The following LRRC8D variants were observed in gnomAD, a reference collection of about 807,000 sequenced individuals.
LRRC8D encodes leucine rich repeat containing 8 VRAC subunit D.
A neutral mutation model predicts 55.8 loss-of-function variants in LRRC8D; 20 were observed. The observed-to-expected ratio is 0.36, with a 90% CI of 0.25 to 0.52. The LOEUF is 0.52. Ranked by LOEUF, LRRC8D falls within the 20% of genes least tolerant of loss-of-function variation. The pLI is 0.93. For synonymous variants in LRRC8D, 352 were observed against 377.0 expected, an observed-to-expected ratio of 0.93 and a Z score of 0.77; for missense variants, 651 against 1,030.8, an observed-to-expected ratio of 0.63 and a Z score of 5.05.
chr1:89,856,866 T>TC (rs1228130742), intron 2 of LRRC8D, among the ~76,000 whole-genome samples: 4 of 152,188 alleles, frequency 2.6e-5, no homozygotes, highest in Non-Finnish European at 4.4e-5. Flanking sequence ...GCTCTGTTTC[T>TC]CCCCCCACAT....
chr1:89,843,374 G>C (rs1220825099), intron 1 of LRRC8D: 1 of 288,864 alleles, frequency 3.5e-6, no homozygotes, highest in Non-Finnish European at 6.4e-6. Flanking sequence ...GCAAACGGAA[G>C]GGCTGTGAGC....
At chr1:89,891,596 G>C (rs151092104) in intron 2 of LRRC8D, among the ~76,000 whole-genome samples, 1,720 of 152,212 alleles carry the variant, frequency 0.011, 15 homozygotes, top group Non-Finnish European at 0.02. Flanking sequence ...AGTGATTTTT[G>C]TCTTTCCATC....
intron 2 of LRRC8D, among the ~76,000 whole-genome samples, chr1:89,917,171 C>G (rs1212926886): frequency 3.3e-5 from 5 of 152,130 alleles, no homozygotes; most frequent in African/African-American, 1.2e-4. Flanking sequence ...TGTTAGATAT[C>G]TTTATACAGG....
intron 2 of LRRC8D, among the ~76,000 whole-genome samples, chr1:89,903,418 TG>T (rs201307297): frequency 0.02 from 3,085 of 152,354 alleles, 39 homozygotes; most frequent in Non-Finnish European, 0.033. Flanking sequence ...TCACTTTTTT[TG>T]TTTACCTAGT....
chr1:89,827,166 C>A (rs1229220949), intron 1 of LRRC8D, among the ~76,000 whole-genome samples: 1 of 151,930 alleles, frequency 6.6e-6, no homozygotes. Context: ...GCCTGGCCAA[C>A]CTGGTGAAAC....
At chr1:89,849,488 G>T (rs2100762045) in intron 2 of LRRC8D, among the ~76,000 whole-genome samples, 1 of 96,276 alleles carries the variant, frequency 1.0e-5, no homozygotes, top group South Asian at 3.6e-4. Context: ...ACTGCATAAT[G>T]CCTTTTTTTT....
intron 2 of LRRC8D, among the ~76,000 whole-genome samples, chr1:89,901,720 A>T (rs1557475735): frequency 1.3e-5 from 2 of 152,204 alleles, no homozygotes; most frequent in South Asian, 4.1e-4. Context: ...AAATAATTTG[A>T]TATTTGCTGC....
intron 2 of LRRC8D, among the ~76,000 whole-genome samples, chr1:89,927,000 G>A (rs1279230206): frequency 6.6e-6 from 1 of 152,240 alleles, no homozygotes. Context: ...ATGTTCCACT[G>A]TGTTCCACCT....
intron 2 of LRRC8D, among the ~76,000 whole-genome samples, chr1:89,898,045 GTC>G (rs1469155577): frequency 6.6e-6 from 1 of 152,184 alleles, no homozygotes; most frequent in Non-Finnish European, 1.5e-5. Flanking sequence ...GAATAAAGAT[GTC>G]TCTGATATGT....
In LRRC8D at chr1:89,925,425, G is replaced by A. The variant is rs375039418; in HGVS notation, c.-2-7642G>A. Among the ~76,000 whole-genome samples the A allele has an allele frequency of 1.3e-4, 20 of 152,060 alleles. No homozygotes were observed. In the East Asian group the frequency reaches 1.5e-3, roughly 12 times the overall value. ...AAATGTGATGCACTTGAGTTAGCCC[G>A]AAACCATCCCCCTCCCCCGTCCATG... On this transcript the variant is annotated intron_variant, in intron 2 of 2. Transcript: ENST00000337338.
rs539311712 is a variant in LRRC8D, at chr1:89,927,340, G to C, written c.-2-5727G>C. On this transcript the variant is annotated intron_variant, in intron 2 of 2. Coordinates refer to ENST00000337338, the MANE Select transcript of LRRC8D (RefSeq NM_001134479.2). Reference sequence around the variant, plus strand: ...ATTGAAGTGGAAGCCTGAGTGTACAGATCACATTTTATAAATTCAACACAC... The same window carrying C: ...ATTGAAGTGGAAGCCTGAGTGTACACATCACATTTTATAAATTCAACACAC... Among the ~76,000 whole-genome samples, 4 of 152,100 alleles carry C rather than the reference G, an allele frequency of 2.6e-5. No homozygotes were observed. In the South Asian group the frequency reaches 8.3e-4, roughly 32 times the overall value.
At chr1:89,848,755 A>C (rs1335751607) in intron 2 of LRRC8D, among the ~76,000 whole-genome samples, 1 of 151,636 alleles carries the variant, frequency 6.6e-6, no homozygotes, top group African/African-American at 2.4e-5. Flanking sequence ...GCTGGAGTGC[A>C]GTGGCGCGAT....
chr1:89,916,062 G>A (rs1224328220), intron 2 of LRRC8D, among the ~76,000 whole-genome samples: 1 of 152,210 alleles, frequency 6.6e-6, no homozygotes, highest in Non-Finnish European at 1.5e-5. Flanking sequence ...TTTATGAACT[G>A]CAGGCTGCTC....
chr1:89,906,313 G>A (rs1234507001), intron 2 of LRRC8D, among the ~76,000 whole-genome samples: 1 of 152,190 alleles, frequency 6.6e-6, no homozygotes, highest in African/African-American at 2.4e-5. Flanking sequence ...AGCAGAGTAT[G>A]CTGTATGTCA....
chr1:89,932,983 G>A, intron 2 of LRRC8D, 84 bp from the exon 3 acceptor site: 3 of 1,221,268 alleles, frequency 2.5e-6, no homozygotes, highest in East Asian at 2.4e-5. Flanking sequence ...GAAAACTTTA[G>A]TTAGGAGCAG....
chr1:89,859,924 T>C (rs574079653), intron 2 of LRRC8D, among the ~76,000 whole-genome samples: 1 of 152,222 alleles, frequency 6.6e-6, no homozygotes, highest in African/African-American at 2.4e-5. Flanking sequence ...TTGAAGTAAA[T>C]TTCTCTGCCT....
At chr1:89,853,522 G>T (rs982624543) in intron 2 of LRRC8D, among the ~76,000 whole-genome samples, 2 of 152,328 alleles carry the variant, frequency 1.3e-5, no homozygotes, top group Middle Eastern at 3.4e-3. Flanking sequence ...ACAACATTGA[G>T]TACCCGGTGC....
chr1:89,918,599 G>A (rs979771829), intron 2 of LRRC8D, among the ~76,000 whole-genome samples: 1 of 152,210 alleles, frequency 6.6e-6, no homozygotes, highest in Non-Finnish European at 1.5e-5. Context: ...CCCCAGAGAT[G>A]ATACTGGCTT....
At chr1:89,828,299 G>A (rs1291486930) in intron 1 of LRRC8D, among the ~76,000 whole-genome samples, 1 of 152,192 alleles carries the variant, frequency 6.6e-6, no homozygotes, top group African/African-American at 2.4e-5. Flanking sequence ...ATGGATGATG[G>A]GACCAACTCC....
Sources: gnomAD v4.1 joint callset for allele counts (sites outside exome capture counted in the v4.1 genomes callset) on GRCh38, gnomAD v4.1.1 for gene constraint, MANE v1.5 for transcripts, NCBI Gene and HGNC (gene_info 2026-07-23, HGNC 2026-07-21) for gene names.